Variants in NEDD4 observed in about 807,000 individuals in gnomAD.
NEDD4 encodes NEDD4 E3 ubiquitin protein ligase, also known as E3 ubiquitin-protein ligase NEDD4.
A neutral mutation model predicts 144.9 loss-of-function variants in NEDD4; 99 were observed. That is an observed-to-expected ratio of 0.68 (90% confidence interval 0.58 to 0.81). The LOEUF is 0.81. NEDD4 is among the 30% of genes least tolerant of loss of function. NEDD4 has a pLI of 0.00. For synonymous variants in NEDD4, 318 were observed against 350.6 expected, an observed-to-expected ratio of 0.91 and a Z score of 1.04; for missense variants, 985 against 1,065.9, an observed-to-expected ratio of 0.92 and a Z score of 1.06.
In NEDD4 at chr15:55,916,332, C is replaced by G. The variant is rs777667904; in HGVS notation, c.291+8314G>C. ...GATACTTGCACATGACCCAAAATCA[C>G]TACCGTTGCTGCTGTAAGACCCATT... is the stretch of plus-strand genomic sequence containing the variant. On this transcript the variant is annotated intron_variant, in intron 5 of 28. Coordinates refer to ENST00000435532, the MANE Select transcript of NEDD4 (RefSeq NM_006154.4). The G allele has an allele frequency of 2.0e-5, 32 of 1,613,904 alleles. No homozygotes were observed. Among genetic ancestry groups the G allele is most frequent in the South Asian group, 1.9e-4 (17 of 91,060 alleles).
intron 5 of NEDD4, chr15:55,915,673 T>A: frequency 6.2e-7 from 1 of 1,614,018 alleles, no homozygotes. Context: ...CAGTCTAATG[T>A]AGCTGCTTTT....
intron 4 of NEDD4, among the ~76,000 whole-genome samples, chr15:55,937,682 T>A (rs2036919481): frequency 6.6e-6 from 1 of 152,082 alleles, no homozygotes; most frequent in African/African-American, 2.4e-5. Context: ...AAGACAAAAA[T>A]AAATGGAAAG....
chr15:55,926,487 C>G (rs144699173), intron 4 of NEDD4, among the ~76,000 whole-genome samples: 1,890 of 152,194 alleles, frequency 0.012, 16 homozygotes, highest in Non-Finnish European at 0.019. Flanking sequence ...AGTGTTAAGA[C>G]GGCCGGATGT....
chr15:55,982,917 T>A (rs2037827063), intron 1 of NEDD4, among the ~76,000 whole-genome samples: 1 of 151,576 alleles, frequency 6.6e-6, no homozygotes, highest in Admixed American at 6.6e-5. Context: ...AGGTCAGGAG[T>A]TCGAGACCAG....
chr15:55,856,245 G>C, intron 11 of NEDD4, 49 bp from the exon 12 acceptor site: 1 of 1,524,762 alleles, frequency 6.6e-7, no homozygotes, highest in Non-Finnish European at 9.1e-7. Flanking sequence ...TTTGTGATTT[G>C]CCTTTGAGTG....
chr15:55,883,339 T>C (rs1283694248), intron 5 of NEDD4, among the ~76,000 whole-genome samples: 5 of 152,134 alleles, frequency 3.3e-5, no homozygotes, highest in African/African-American at 9.7e-5. Context: ...CTTTGTCTTA[T>C]GGTTTGTGTG....
chr15:55,882,246 TCA>T (rs1453882774), intron 5 of NEDD4, among the ~76,000 whole-genome samples: 4 of 152,198 alleles, frequency 2.6e-5, no homozygotes, highest in African/African-American at 7.2e-5. Context: ...AGTTTTAACT[TCA>T]CATCACTGAA....
chr15:55,847,065 A>C, intron 17 of NEDD4, 31 bp from the exon 18 acceptor site: 1 of 1,465,472 alleles, frequency 6.8e-7, no homozygotes, highest in Non-Finnish European at 9.4e-7. Flanking sequence ...AAAATAAAGA[A>C]GTTTAGGTTG....
intron 5 of NEDD4, among the ~76,000 whole-genome samples, chr15:55,875,011 A>C (rs1484369190): frequency 2.6e-5 from 4 of 151,934 alleles, no homozygotes; most frequent in African/African-American, 9.7e-5. Flanking sequence ...CTCCTCAGGG[A>C]AATATAATAA....
intron 1 of NEDD4, among the ~76,000 whole-genome samples, chr15:55,991,380 G>A (rs2037986281): frequency 1.3e-5 from 2 of 152,186 alleles, no homozygotes; most frequent in Admixed American, 1.3e-4. Context: ...TGATAGTGGA[G>A]AGGGCAACCT....
At position 55,860,762 on chromosome 15, in the gene NEDD4, C is replaced by T. The variant is rs1412699959; in HGVS notation, c.691G>A (p.Ala231Thr). The T allele has an allele frequency of 4.3e-6, 7 of 1,613,938 alleles. No individual in the cohort carries two copies. Among genetic ancestry groups the T allele is most frequent in the South Asian group, 1.1e-5 (1 of 91,078 alleles). The change falls in exon 10 of 29, where the codon GCT (alanine) becomes ACT (threonine). Residue 231 changes from alanine to threonine, a missense_variant. Coordinates refer to ENST00000435532, the MANE Select transcript of NEDD4 (RefSeq NM_006154.4). ...TGCAGTTGAATGTTGCCATTCTCAG[C>T]ATCTGTTAGGTTGTCCCTATATTGG... is the stretch of plus-strand genomic sequence containing the variant. ...RPTPQDNLTD[A>T]ENGNIQLQAQ...
intron 1 of NEDD4, among the ~76,000 whole-genome samples, chr15:55,973,437 G>A (rs2037645339): frequency 6.6e-6 from 1 of 152,170 alleles, no homozygotes; most frequent in Non-Finnish European, 1.5e-5. Flanking sequence ...CTCATCAGGA[G>A]GCTGAGGTGG....
intron 26 of NEDD4, 64 bp downstream of exon 26, chr15:55,833,974 A>C: frequency 8.8e-7 from 1 of 1,137,624 alleles, no homozygotes; most frequent in Admixed American, 1.9e-5. Flanking sequence ...GTTAATCAAG[A>C]GTTGACTTAA....
At chr15:55,870,214 C>T (rs1350158522) in intron 7 of NEDD4, among the ~76,000 whole-genome samples, 2 of 152,086 alleles carry the variant, frequency 1.3e-5, no homozygotes, top group African/African-American at 4.8e-5. Context: ...TTTGGTAAAT[C>T]ACTGAGAATT....
chr15:55,962,387 T>C (rs774219600), intron 2 of NEDD4, among the ~76,000 whole-genome samples: 13 of 152,178 alleles, frequency 8.5e-5, no homozygotes, highest in East Asian at 1.9e-4. Context: ...ATTGATATGA[T>C]TGGATTTAGT....
intron 5 of NEDD4, 57 bp from the exon 6 acceptor site, chr15:55,874,065 G>T: frequency 1.0e-6 from 1 of 986,136 alleles, no homozygotes; most frequent in Non-Finnish European, 1.5e-6. Flanking sequence ...CTTTAGAAGA[G>T]TTTGATGAGA....
At position 55,852,762 on chromosome 15, in the gene NEDD4, C is replaced by G. The variant is rs1389228192; in HGVS notation, c.1027-219G>C. On this transcript the variant is annotated intron_variant, in intron 12 of 28. Transcript: ENST00000435532. The stretch of plus-strand genomic sequence containing the variant: ...AGAGAGTGAGAGAGAGAGAGAGAGA[C>G]AGAGAGAGACAGGGTCTTGCTCTGT... Among the ~76,000 whole-genome samples the G allele has an allele frequency of 8.4e-5, 12 of 142,396 alleles. No homozygotes were observed. In the East Asian group the frequency reaches 1.4e-3, roughly 17 times the overall value. The allele number at this position is 142,396 out of a possible 152,430, so 93.4% of individuals were successfully genotyped here. A position where few individuals can be genotyped will look rare whatever the true frequency, so the allele number is the denominator to read the frequency against.
intron 24 of NEDD4, 66 bp downstream of exon 24, chr15:55,837,723 C>G (rs1566898807): frequency 8.7e-7 from 1 of 1,148,394 alleles, no homozygotes; most frequent in Non-Finnish European, 1.3e-6. Flanking sequence ...GTGATGAGGC[C>G]TAATATTTGA....
intron 21 of NEDD4, among the ~76,000 whole-genome samples, chr15:55,839,152 C>T (rs1401453810): frequency 6.6e-6 from 1 of 151,898 alleles, no homozygotes; most frequent in East Asian, 1.9e-4. Flanking sequence ...CCTCAGCCTC[C>T]CAAGTAGCTG....
Sources: gnomAD v4.1 joint callset for allele counts (sites outside exome capture counted in the v4.1 genomes callset) on GRCh38, gnomAD v4.1.1 for gene constraint, MANE v1.5 for transcripts, NCBI Gene and HGNC (gene_info 2026-07-23, HGNC 2026-07-21) for gene names.